Variants in COBL observed in about 807,000 individuals in gnomAD.
COBL encodes protein cordon-bleu.
COBL carries 51 observed loss-of-function variants against 98.8 expected under a neutral mutation model. That is an observed-to-expected ratio of 0.52 (90% confidence interval 0.41 to 0.65). The LOEUF is 0.65. Among genes scored for constraint, COBL ranks in the 30% least tolerant of loss-of-function variants. COBL has a pLI of 0.00. For synonymous variants in COBL, 634 were observed against 651.7 expected (o/e 0.97, Z 0.41); for missense variants, 1,617 against 1,617.5 (o/e 1.00, Z 0.01).
At chr7:51,297,304 A>G (rs1439249981) in intron 1 of COBL, among the ~76,000 whole-genome samples, 1 of 152,096 alleles carries the variant, frequency 6.6e-6, no homozygotes, top group Non-Finnish European at 1.5e-5. Flanking sequence ...GGACTGTCCC[A>G]ACTGTGGCAT....
chr7:51,166,753 T>C (rs1006533763), intron 5 of COBL, among the ~76,000 whole-genome samples: 3 of 152,096 alleles, frequency 2.0e-5, no homozygotes, highest in Non-Finnish European at 4.4e-5. Context: ...AGATCATTCA[T>C]TGTGGTCAAG....
intron 4 of COBL, among the ~76,000 whole-genome samples, chr7:51,186,274 C>T (rs189038732): frequency 1.2e-4 from 18 of 152,276 alleles, no homozygotes; most frequent in South Asian, 6.2e-4. Context: ...TTTCAGTTCA[C>T]GACGGCTTTA....
Position 51,016,221 on chromosome 7 carries a change from ATTTTC to A in COBL, c.*1325_*1329del, listed in dbSNP as rs1026110096. 1.6e-4 allele frequency: 25 copies of A among 152,262 alleles called. No individual in the cohort carries two copies. The highest frequency in any genetic ancestry group is 3.1e-4 in the Non-Finnish European group (21 of 68,020). The allele number at this position is 152,262 out of a possible 1,614,324, so 9.4% of individuals were successfully genotyped here. A position where few individuals can be genotyped will look rare whatever the true frequency, so the allele number is the denominator to read the frequency against. On this transcript the variant is annotated 3_prime_UTR_variant, in exon 13 of 13. Coordinates refer to ENST00000265136, the MANE Select transcript of COBL (RefSeq NM_015198.5). ...AAATTCACACAACAGCTAAGATTTG[ATTTTC>A]TTTTATTTGTGGCACTAAAAGACAG...
intron 1 of COBL, among the ~76,000 whole-genome samples, chr7:51,275,428 C>T (rs765383336): frequency 9.9e-5 from 15 of 152,214 alleles, no homozygotes; most frequent in Non-Finnish European, 1.6e-4. Flanking sequence ...TTTTTGATTG[C>T]TGGGGAACCA....
chr7:51,169,152 C>T (rs1157538707), intron 5 of COBL, among the ~76,000 whole-genome samples: 2 of 152,142 alleles, frequency 1.3e-5, no homozygotes, highest in East Asian at 3.9e-4. Flanking sequence ...CCTTGGTATC[C>T]ACAACCCCTT....
intron 11 of COBL, 108 bp downstream of exon 11, chr7:51,026,438 C>A: frequency 7.1e-7 from 1 of 1,417,056 alleles, no homozygotes. Flanking sequence ...GATGGTTCAC[C>A]ATCCAATCGG....
In COBL at chr7:51,029,542, G is replaced by C; in HGVS notation, c.1554C>G (p.Ile518Met). The change falls in exon 10 of 13, where the codon ATC becomes ATG. Residue 518 changes from isoleucine to methionine, a missense_variant. Ile to Met is a conservative substitution (Grantham distance 10, BLOSUM62 1). Coordinates refer to ENST00000265136, the MANE Select transcript of COBL (RefSeq NM_015198.5). The part of the protein sequence containing the change: ...ETDTSSLTSS[I>M]HGASNHCPQD... Reference sequence around the variant, plus strand: ...GTGGGCAGTGGTTGGATGCACCATGGATGGAGCTGGTGAGGGAGCTGGTGT... The same window carrying C: ...GTGGGCAGTGGTTGGATGCACCATGCATGGAGCTGGTGAGGGAGCTGGTGT... 2.5e-6 allele frequency: 4 copies of C among 1,612,686 alleles called. No homozygotes were observed. The highest frequency in any genetic ancestry group is 3.4e-6 in the Non-Finnish European group (4 of 1,178,898).
intron 6 of COBL, 64 bp downstream of exon 6, chr7:51,136,094 T>G: frequency 1.3e-6 from 2 of 1,550,064 alleles, no homozygotes; most frequent in Non-Finnish European, 1.7e-6. Flanking sequence ...CCCAGGGAGC[T>G]TTGGAACAAT....
chr7:51,196,144 T>C (rs1052722137), intron 2 of COBL, among the ~76,000 whole-genome samples: 1 of 152,206 alleles, frequency 6.6e-6, no homozygotes, highest in Non-Finnish European at 1.5e-5. Context: ...TTGTCATATA[T>C]GGCTCTTATT....
chr7:51,041,034 G>A (rs1789134699), intron 8 of COBL, among the ~76,000 whole-genome samples: 1 of 152,238 alleles, frequency 6.6e-6, no homozygotes, highest in Non-Finnish European at 1.5e-5. Context: ...GATTACAGTA[G>A]AAAGTGGTTT....
chr7:51,205,644 TTTG>T (rs1394026425), intron 2 of COBL, among the ~76,000 whole-genome samples: 22 of 106,568 alleles, frequency 2.1e-4, no homozygotes, highest in Admixed American at 1.6e-3. Context: ...TTTTTGGTTT[TTTG>T]TTTTTTTTTT....
At chr7:51,263,540 C>CT (rs1012185806) in intron 1 of COBL, among the ~76,000 whole-genome samples, 149 of 147,656 alleles carry the variant, frequency 1.0e-3, no homozygotes, top group Non-Finnish European at 1.4e-3. Flanking sequence ...AAAAAAAGTT[C>CT]TTTTTTTTTT....
rs574170885 is a variant in COBL at position 51,235,854 on chromosome 7, C to A, written c.42-15910G>T. Among the ~76,000 whole-genome samples the A allele has an allele frequency of 2.2e-4, 34 of 152,310 alleles. 1 individual carries two copies. The highest frequency in any genetic ancestry group is 7.2e-4 in the African/African-American group (30 of 41,570). ...AAACACAGACCACTTTTCCAGCTGA[C>A]TACCCACCCCCTCCTGCACTCTTCC... On this transcript the variant is annotated intron_variant, in intron 1 of 12. Coordinates refer to ENST00000265136, the MANE Select transcript of COBL (RefSeq NM_015198.5).
At chr7:51,169,770 T>C (rs1425839928) in intron 5 of COBL, among the ~76,000 whole-genome samples, 1 of 152,184 alleles carries the variant, frequency 6.6e-6, no homozygotes, top group Non-Finnish European at 1.5e-5. Flanking sequence ...AGGCCTACTA[T>C]TTAATAGCAC....
intron 7 of COBL, among the ~76,000 whole-genome samples, chr7:51,074,828 TATAA>T (rs1409564499): frequency 1.3e-5 from 2 of 152,250 alleles, no homozygotes. Flanking sequence ...AGGAAAAAGG[TATAA>T]ATAGTTATAA....
chr7:51,220,465 A>C (rs748282119), intron 1 of COBL, among the ~76,000 whole-genome samples: 2 of 152,110 alleles, frequency 1.3e-5, no homozygotes, highest in African/African-American at 4.8e-5. Context: ...ACCTGTCCAC[A>C]CGGCCACCGT....
intron 5 of COBL, among the ~76,000 whole-genome samples, chr7:51,147,469 C>T (rs772263247): frequency 5.9e-5 from 9 of 152,172 alleles, no homozygotes; most frequent in Non-Finnish European, 1.0e-4. Flanking sequence ...GACGCGTTCA[C>T]CTTACTGCTG....
chr7:51,299,517 T>C (rs891385248), intron 1 of COBL, among the ~76,000 whole-genome samples: 2 of 152,142 alleles, frequency 1.3e-5, no homozygotes, highest in Non-Finnish European at 2.9e-5. Context: ...GACTGACCCA[T>C]AGCATGCTGG....
At chr7:51,210,246 G>A (rs773361169) in intron 2 of COBL, among the ~76,000 whole-genome samples, 7 of 152,140 alleles carry the variant, frequency 4.6e-5, no homozygotes, top group Non-Finnish European at 5.9e-5. Flanking sequence ...GGTGGGAGTA[G>A]ATCATCAACA....
Sources: gnomAD v4.1 joint callset for allele counts (sites outside exome capture counted in the v4.1 genomes callset) on GRCh38, gnomAD v4.1.1 for gene constraint, MANE v1.5 for transcripts, NCBI Gene and HGNC (gene_info 2026-07-23, HGNC 2026-07-21) for gene names.